ZNF134: variants seen among roughly 807,000 people sequenced by gnomAD.
The protein encoded by ZNF134 is zinc finger protein 134 (clone pHZ-15).
Under a neutral mutation model 2.5 loss-of-function variants are expected in ZNF134, and 5 were observed. The observed-to-expected ratio is 2.03, with a 90% confidence interval of 1.06 to 4.27. The LOEUF (loss-of-function observed/expected upper bound fraction) is 4.27, where lower values mean the gene tolerates loss of function less well. Among genes scored for constraint, ZNF134 ranks in the 30% most tolerant of loss-of-function variants. ZNF134 has a pLI of 0.00. For synonymous variants in ZNF134, 176 were observed against 176.2 expected (o/e 1.00, Z 0.01); for missense variants, 540 against 517.5 (o/e 1.04, Z -0.42).
chr19:57,615,593 A>G (rs1981028948), intron 1 of ZNF134, among the ~76,000 whole-genome samples: 2 of 152,168 alleles, frequency 1.3e-5, no homozygotes, highest in Admixed American at 1.3e-4. Flanking sequence ...CCAAGAGCAC[A>G]CTGAACAAAG....
Position 57,621,040 on chromosome 19 carries a change from G to C in ZNF134, c.921G>C (p.Glu307Asp), listed in dbSNP as rs1308887130. ...FRHKSTLVQH[E>D]SIHTGENPYD... is the part of the protein sequence containing the mutation. ...ACAAATCTACACTTGTTCAGCATGA[G>C]AGTATTCACACTGGAGAAAATCCTT... Residue 307 changes from glutamate to aspartate, a missense_variant, in exon 3 of 3, where the codon GAG (glutamate) becomes GAC (aspartate). By Grantham distance (45) the Glu-to-Asp change is conservative. Transcript: ENST00000396161. 5 of 1,614,092 alleles carry C rather than the reference G, an allele frequency of 3.1e-6. No homozygotes were observed. The highest frequency in any genetic ancestry group is 4.2e-6 in the Non-Finnish European group (5 of 1,180,050).
Position 57,621,585 on chromosome 19 carries a change from A to G in ZNF134, c.*182A>G. ...GTCACTGTCAATCCATGTGGCCGAA[A>G]CCATCTTAACTCTACCAGCTAAGAT... is the stretch of plus-strand genomic sequence containing the variant. On this transcript the variant is annotated 3_prime_UTR_variant, in exon 3 of 3. Coordinates refer to ENST00000396161, the MANE Select transcript of ZNF134 (RefSeq NM_003435.5). The G allele has an allele frequency of 3.3e-6, 3 of 918,906 alleles. No homozygotes were observed. The highest frequency in any genetic ancestry group is 1.6e-5 in the African/African-American group (1 of 62,052). The allele number at this position is 918,906 out of a possible 1,614,324, so 56.9% of individuals were successfully genotyped here. A position where few individuals can be genotyped will look rare whatever the true frequency, so the allele number is the denominator to read the frequency against.
Position 57,621,285 on chromosome 19 carries a change from G to T in ZNF134, c.1166G>T (p.Arg389Leu), listed in dbSNP as rs764224161. 1 of 1,613,294 alleles carries T rather than the reference G, an allele frequency of 6.2e-7. No homozygotes were observed. The highest frequency in any genetic ancestry group is 8.5e-7 in the Non-Finnish European group (1 of 1,179,834). Residue 389 changes from arginine (R) to leucine (L), a missense_variant, in exon 3 of 3, where the codon CGA (arginine) becomes CTA (leucine). By Grantham distance (102) the Arg-to-Leu change is moderately radical. Coordinates refer to ENST00000396161, the MANE Select transcript of ZNF134 (RefSeq NM_003435.5). ...KDFIRTSHLV[R>L]HQRVHTGERP... is the part of the protein sequence containing the mutation. ...TTTATCAGAACCTCCCACCTTGTTC[G>T]ACACCAAAGAGTTCACACTGGAGAA...
Position 57,614,391 on chromosome 19 carries a change from C to T in ZNF134, c.-170C>T, listed in dbSNP as rs546421921. 6.6e-6 allele frequency: 3 copies of T among 452,384 alleles called. No individual in the cohort carries two copies. The highest frequency in any genetic ancestry group is 7.1e-5 in the East Asian group (1 of 14,090). The allele number at this position is 452,384 out of a possible 1,614,324, so 28.0% of individuals were successfully genotyped here. Reference sequence around the variant, plus strand: ...CTCGCCAGCGAAGACCCCGCCTGCGCCCCCGGGGACGGACGACCGCGGTGC... The same window carrying T: ...CTCGCCAGCGAAGACCCCGCCTGCGTCCCCGGGGACGGACGACCGCGGTGC... On this transcript the variant is annotated 5_prime_UTR_variant, in exon 1 of 3. Coordinates refer to ENST00000396161, the MANE Select transcript of ZNF134 (RefSeq NM_003435.5).
rs141772025 is a variant in ZNF134, at chr19:57,616,508, A to G, written c.-58+2005A>G. On this transcript the variant is annotated intron_variant, in intron 1 of 2. Coordinates refer to ENST00000396161, the MANE Select transcript of ZNF134 (RefSeq NM_003435.5). ...CTTGAGATGTACAGACAAGCCTGAT[A>G]CAAACAGTAGCCCTATGAGGTGGGT... 2.0e-3 allele frequency among the ~76,000 whole-genome samples: 311 copies of G among 152,366 alleles called. 2 individuals are homozygous for G. The highest frequency in any genetic ancestry group is 6.9e-3 in the African/African-American group (286 of 41,586).
intron 1 of ZNF134, among the ~76,000 whole-genome samples, chr19:57,618,194 G>A (rs1458672395): frequency 6.6e-6 from 1 of 152,170 alleles, no homozygotes; most frequent in Non-Finnish European, 1.5e-5. Context: ...CATGGTTCTG[G>A]ATTGCTGAAT....
At chr19:57,619,298 A>G in intron 1 of ZNF134, 114 bp from the exon 2 acceptor site, 6 of 840,998 alleles carry the variant, frequency 7.1e-6, no homozygotes, top group South Asian at 4.8e-5. Flanking sequence ...CTGCAGGACA[A>G]TTTTCTGAGG....
At chr19:57,619,563 G>C in intron 2 of ZNF134, 55 bp downstream of exon 2, 1 of 1,535,592 alleles carries the variant, frequency 6.5e-7, no homozygotes. Flanking sequence ...TGTAGTTCCG[G>C]AAACCTATGT....
In ZNF134 at chr19:57,623,584, T is replaced by G. The variant is rs1287190417; in HGVS notation, c.*2181T>G. The G allele has an allele frequency of 6.6e-6, 1 of 152,000 alleles. No homozygotes were observed. The highest frequency in any genetic ancestry group is 1.5e-5 in the Non-Finnish European group (1 of 68,020). 9.4% of individuals were successfully genotyped at this position (152,000 alleles called of 1,614,324 possible). ...AAACCATTGAAATTAAGAGATTCAT[T>G]GTTAGGAAAGATAGATGTTTTAGAG... On this transcript the variant is annotated 3_prime_UTR_variant, in exon 3 of 3. Transcript: ENST00000396161.
intron 1 of ZNF134, among the ~76,000 whole-genome samples, chr19:57,614,833 A>C (rs1028111319): frequency 6.6e-6 from 1 of 152,138 alleles, no homozygotes; most frequent in Non-Finnish European, 1.5e-5. Flanking sequence ...AAGTATTCCA[A>C]TGTTTGCTGA....
Position 57,623,997 on chromosome 19 carries a change from A to C in ZNF134, c.*2594A>C, listed in dbSNP as rs1163711306. 2.0e-5 allele frequency: 3 copies of C among 152,300 alleles called. No individual in the cohort carries two copies. Among genetic ancestry groups the C allele is most frequent in the African/African-American group, 7.2e-5 (3 of 41,472 alleles). The allele number at this position is 152,300 out of a possible 1,614,324, so 9.4% of individuals were successfully genotyped here. A position where few individuals can be genotyped will look rare whatever the true frequency, so the allele number is the denominator to read the frequency against. On this transcript the variant is annotated 3_prime_UTR_variant, in exon 3 of 3. Transcript: ENST00000396161. ...AGTTAAAGGTTGTAATATTCTATAC[A>C]TGGGACTGGCTGCGGAAACAGGTGC...
At chr19:57,616,257 C>T (rs1372392435) in intron 1 of ZNF134, among the ~76,000 whole-genome samples, 2 of 152,158 alleles carry the variant, frequency 1.3e-5, no homozygotes, top group Admixed American at 6.5e-5. Context: ...CTAGTGTACA[C>T]CTTGCAAGTA....
rs1404334899 is a variant in ZNF134, at chr19:57,619,337, A to G, written c.-57-75A>G. The stretch of plus-strand genomic sequence containing the variant: ...ATTTTGTAGCATTTGTTTTCTTGCA[A>G]TTTTGCATGGGTGGGCTACTCTGGC... On this transcript the variant is annotated intron_variant, in intron 1 of 2. Transcript: ENST00000396161. 4.1e-5 allele frequency: 49 copies of G among 1,200,370 alleles called. No individual in the cohort carries two copies. In the Admixed American group the frequency reaches 4.8e-4, roughly 12 times the overall value. 74.4% of individuals were successfully genotyped at this position (1,200,370 alleles called of 1,614,324 possible). A position where few individuals can be genotyped will look rare whatever the true frequency, so the allele number is the denominator to read the frequency against.
Position 57,621,350 on chromosome 19 carries a change from T to C in ZNF134, c.1231T>C (p.Leu411=). 1 of 1,614,128 alleles carries C rather than the reference T, an allele frequency of 6.2e-7. No homozygotes were observed. The highest frequency in any genetic ancestry group is 8.5e-7 in the Non-Finnish European group (1 of 1,180,018). The change falls in exon 3 of 3, where the codon TTA becomes CTA. Residue 411 remains leucine, a synonymous_variant. Transcript: ENST00000396161. Reference sequence around the variant, plus strand: ...CAGTGAATGTGGGAAGGCCTACAGCTTAAGCTCCCACCTCAATCGGCACCA... The same window carrying C: ...CAGTGAATGTGGGAAGGCCTACAGCCTAAGCTCCCACCTCAATCGGCACCA... ...ECSECGKAYS[L]SSHLNRHQKV...
intron 1 of ZNF134, 144 bp downstream of exon 1, chr19:57,614,647 G>C: frequency 6.3e-6 from 2 of 319,638 alleles, no homozygotes; most frequent in Non-Finnish European, 1.2e-5. Context: ...GACTGGCAGA[G>C]GGGCAGCCTG....
chr19:57,619,845 G>A (rs10412534), intron 2 of ZNF134, among the ~76,000 whole-genome samples: 9,751 of 152,268 alleles, frequency 0.064, 466 homozygotes, highest in East Asian at 0.16. Flanking sequence ...TCCTGGGCCT[G>A]TACTCACATT....
At chr19:57,616,781 A>G (rs1981062670) in intron 1 of ZNF134, among the ~76,000 whole-genome samples, 1 of 152,164 alleles carries the variant, frequency 6.6e-6, no homozygotes, top group African/African-American at 2.4e-5. Flanking sequence ...GAAACTTATG[A>G]TTCCTACCTA....
intron 1 of ZNF134, among the ~76,000 whole-genome samples, chr19:57,617,467 T>G (rs1345326958): frequency 6.6e-6 from 1 of 152,152 alleles, no homozygotes; most frequent in Non-Finnish European, 1.5e-5. Flanking sequence ...TTTTTTAGTC[T>G]GAGAAGATAT....
At position 57,620,715 on chromosome 19, in the gene ZNF134, G is replaced by C. The variant is rs1171943702; in HGVS notation, c.596G>C (p.Ser199Thr). Residue 199 changes from serine (S) to threonine (T), a missense_variant, in exon 3 of 3, where the codon AGT becomes ACT. Transcript: ENST00000396161. ...CTTGTCCAGCACCAGAGAATTCATA[G>C]TGGAGAGAAGCCTTATGAGTGCAGC... The part of the protein sequence containing the change: ...DTLVQHQRIH[S>T]GEKPYECSEC... The C allele has an allele frequency of 8.1e-6, 13 of 1,611,042 alleles. No individual in the cohort carries two copies. In the Admixed American group the frequency reaches 2.2e-4, roughly 27 times the overall value.
Sources: gnomAD v4.1 joint callset for allele counts (sites outside exome capture counted in the v4.1 genomes callset) on GRCh38, gnomAD v4.1.1 for gene constraint, MANE v1.5 for transcripts, NCBI Gene and HGNC (gene_info 2026-07-23, HGNC 2026-07-21) for gene names.